MEIKIN: variants seen among roughly 807,000 people sequenced by gnomAD.
MEIKIN encodes the protein meiosis-specific kinetochore protein.
chr5:131,827,686 T>C (rs1299402954), intron 11 of MEIKIN, among the ~76,000 whole-genome samples: 2 of 152,130 alleles, frequency 1.3e-5, no homozygotes, highest in East Asian at 1.9e-4. Flanking sequence ...ATCATAAACA[T>C]GCATGGAATA....
At chr5:131,864,971 A>T in intron 9 of MEIKIN, among the ~76,000 whole-genome samples, 1 of 152,132 alleles carries the variant, frequency 6.6e-6, no homozygotes, top group East Asian at 1.9e-4. Flanking sequence ...TCAAGTTCTG[A>T]GATTCTTTCC....
At chr5:131,847,103 C>G (rs1486572260) in intron 11 of MEIKIN, among the ~76,000 whole-genome samples, 1 of 151,628 alleles carries the variant, frequency 6.6e-6, no homozygotes, top group Non-Finnish European at 1.5e-5. Context: ...TACAAAAAAT[C>G]AATTAACCAC....
chr5:131,888,542 C>G (rs952201060), intron 8 of MEIKIN, among the ~76,000 whole-genome samples: 3 of 152,124 alleles, frequency 2.0e-5, no homozygotes, highest in African/African-American at 4.8e-5. Context: ...CCTTCGCCCA[C>G]TTTTTGATGG....
At chr5:131,894,378 G>A (rs1750995787) in intron 8 of MEIKIN, among the ~76,000 whole-genome samples, 1 of 152,176 alleles carries the variant, frequency 6.6e-6, no homozygotes. Context: ...ACTTGGCAAT[G>A]CAGGCTCTTT....
At chr5:131,881,615 T>A (rs779245152) in intron 8 of MEIKIN, among the ~76,000 whole-genome samples, 3 of 152,170 alleles carry the variant, frequency 2.0e-5, no homozygotes, top group African/African-American at 7.2e-5. Context: ...ACTGCCTTCA[T>A]GACATCTCCA....
chr5:131,831,464 G>A (rs1402283105), intron 11 of MEIKIN, among the ~76,000 whole-genome samples: 1 of 152,138 alleles, frequency 6.6e-6, no homozygotes, highest in Non-Finnish European at 1.5e-5. Flanking sequence ...GGCTGAAGTG[G>A]GGAGATTGCT....
chr5:131,812,628 A>T (rs1256280116), intron 12 of MEIKIN, among the ~76,000 whole-genome samples: 4 of 152,196 alleles, frequency 2.6e-5, no homozygotes, highest in Admixed American at 2.0e-4. Context: ...ACTCCAGCCC[A>T]CTCACTGAGT....
At chr5:131,914,905 AAG>A (rs2149645072) in intron 7 of MEIKIN, among the ~76,000 whole-genome samples, 1 of 152,222 alleles carries the variant, frequency 6.6e-6, no homozygotes, top group South Asian at 2.1e-4. Context: ...GATGAAGAGA[AAG>A]TCAAAAGAAG....
chr5:131,840,630 G>T (rs1002448700), intron 11 of MEIKIN, among the ~76,000 whole-genome samples: 1 of 152,074 alleles, frequency 6.6e-6, no homozygotes, highest in Non-Finnish European at 1.5e-5. Flanking sequence ...CCTCAGCCTG[G>T]TCTATTCTGC....
chr5:131,830,184 G>A (rs1749691398), intron 11 of MEIKIN, among the ~76,000 whole-genome samples: 2 of 152,086 alleles, frequency 1.3e-5, no homozygotes, highest in Admixed American at 1.3e-4. Context: ...GATCGCAAGA[G>A]TTTGAGATCA....
intron 5 of MEIKIN, among the ~76,000 whole-genome samples, chr5:131,925,543 T>C (rs1751573870): frequency 6.6e-6 from 1 of 152,226 alleles, no homozygotes; most frequent in South Asian, 2.1e-4. Flanking sequence ...AATGAGATTG[T>C]TTTATTTCCT....
chr5:131,902,745 G>A (rs1461546878), intron 8 of MEIKIN, among the ~76,000 whole-genome samples: 1 of 152,178 alleles, frequency 6.6e-6, no homozygotes. Flanking sequence ...AAGCCAGAGT[G>A]TCTTCTTACC....
intron 8 of MEIKIN, among the ~76,000 whole-genome samples, chr5:131,893,747 GT>G (rs1561747453): frequency 1.3e-5 from 2 of 152,080 alleles, no homozygotes; most frequent in Non-Finnish European, 2.9e-5. Flanking sequence ...CCATAAATTT[GT>G]TTAAGTTCCT....
At chr5:131,915,509 C>A (rs6861343) in intron 7 of MEIKIN, among the ~76,000 whole-genome samples, 1,732 of 152,246 alleles carry the variant, frequency 0.011, 25 homozygotes, top group African/African-American at 0.039. Flanking sequence ...TTTAGGGTGA[C>A]TATTTGTCCA....
intron 11 of MEIKIN, among the ~76,000 whole-genome samples, chr5:131,850,908 C>A (rs1750104649): frequency 6.6e-6 from 1 of 151,740 alleles, no homozygotes; most frequent in Non-Finnish European, 1.5e-5. Flanking sequence ...TGACTGCACC[C>A]TGGCACTCCA....
Position 131,887,135 on chromosome 5 carries a change from C to T in MEIKIN, c.704-8087G>A, listed in dbSNP as rs202244377. ...CTGAGAATGATGGTTTCCAGCTTCA[C>T]CCATGCCCCTGCAAAGGACATGAAC... On this transcript the variant is annotated intron_variant, in intron 8 of 12. Coordinates refer to ENST00000442687, the MANE Select transcript of MEIKIN (RefSeq NM_001303622.2). Among the ~76,000 whole-genome samples, 174 of 152,042 alleles carry T rather than the reference C, an allele frequency of 1.1e-3. No individual in the cohort carries two copies. The East Asian group carries it at 0.018, about 16-fold the overall frequency.
At chr5:131,928,143 C>CA (rs60395354) in intron 5 of MEIKIN, among the ~76,000 whole-genome samples, 25,960 of 88,474 alleles carry the variant, frequency 0.29, 3,025 homozygotes, top group East Asian at 0.56. Flanking sequence ...AACTCCGTCT[C>CA]AAAAAAAAAA....
chr5:131,855,683 A>G (rs1437195416), intron 9 of MEIKIN, among the ~76,000 whole-genome samples: 1 of 152,092 alleles, frequency 6.6e-6, no homozygotes, highest in Non-Finnish European at 1.5e-5. Flanking sequence ...AAAAAGAGAA[A>G]GACAGAGAAG....
At chr5:131,928,353 C>T (rs112674591) in intron 5 of MEIKIN, among the ~76,000 whole-genome samples, 2,637 of 152,112 alleles carry the variant, frequency 0.017, 39 homozygotes, top group Non-Finnish European at 0.027. Flanking sequence ...TTAGTGCTGC[C>T]TTTGTGTTCC....
Sources: gnomAD v4.1 joint callset for allele counts (sites outside exome capture counted in the v4.1 genomes callset) on GRCh38, gnomAD v4.1.1 for gene constraint, MANE v1.5 for transcripts, NCBI Gene and HGNC (gene_info 2026-07-23, HGNC 2026-07-21) for gene names.